The following HS3ST2 variants were observed in gnomAD, a reference collection of about 807,000 sequenced individuals.
HS3ST2 encodes heparan sulfate-glucosamine 3-sulfotransferase 2.
HS3ST2 carries 17 observed loss-of-function variants against 26.3 expected under a neutral mutation model. The ratio of observed to expected loss-of-function variants is 0.65; its 90% CI spans 0.44 to 0.97. The LOEUF is 0.97. HS3ST2 is among the 50% of genes least tolerant of loss of function. HS3ST2 has a pLI of 0.00. For synonymous variants in HS3ST2, 237 were observed against 219.2 expected (o/e 1.08, Z -0.72); for missense variants, 402 against 501.2 (o/e 0.80, Z 1.89).
At chr16:22,899,107 G>C (rs1347353847) in intron 1 of HS3ST2, among the ~76,000 whole-genome samples, 6 of 152,182 alleles carry the variant, frequency 3.9e-5, no homozygotes, top group African/African-American at 1.4e-4. Flanking sequence ...GTAAAGCTTG[G>C]TGTTAACAAA....
chr16:22,834,554 T>G (rs751165887), intron 1 of HS3ST2, among the ~76,000 whole-genome samples: 6 of 152,040 alleles, frequency 3.9e-5, no homozygotes, highest in Non-Finnish European at 8.8e-5. Context: ...TGATAGACAT[T>G]TAGATTGCTC....
chr16:22,832,784 C>T (rs1250268041), intron 1 of HS3ST2, among the ~76,000 whole-genome samples: 1 of 150,772 alleles, frequency 6.6e-6, no homozygotes, highest in Admixed American at 6.7e-5. Context: ...GAAGGGGTAT[C>T]CCAGGGTTTT....
intron 1 of HS3ST2, among the ~76,000 whole-genome samples, chr16:22,901,087 C>T (rs923241928): frequency 1.3e-5 from 2 of 152,160 alleles, no homozygotes; most frequent in Non-Finnish European, 2.9e-5. Flanking sequence ...TTATACGGGA[C>T]TCTCGCAGCT....
chr16:22,830,521 G>A (rs962031813), intron 1 of HS3ST2, among the ~76,000 whole-genome samples: 3 of 152,228 alleles, frequency 2.0e-5, no homozygotes, highest in Non-Finnish European at 1.5e-5. Context: ...GAGGGCTGGA[G>A]AATGAATACC....
chr16:22,826,248 A>G (rs753139638), intron 1 of HS3ST2, among the ~76,000 whole-genome samples: 6 of 152,132 alleles, frequency 3.9e-5, no homozygotes, highest in Non-Finnish European at 7.4e-5. Flanking sequence ...GCCCCCACCC[A>G]GGGTGGGCCA....
At chr16:22,855,704 C>G (rs7499364) in intron 1 of HS3ST2, among the ~76,000 whole-genome samples, 26 of 149,588 alleles carry the variant, frequency 1.7e-4, no homozygotes, top group Middle Eastern at 7.1e-3. Context: ...CTGTCTCTCT[C>G]TCTCTCTCTC....
At chr16:22,835,180 A>T (rs866064736) in intron 1 of HS3ST2, among the ~76,000 whole-genome samples, 1 of 149,702 alleles carries the variant, frequency 6.7e-6, no homozygotes, top group Non-Finnish European at 1.5e-5. Context: ...CATTTTGTTC[A>T]TTTTTTTTTG....
At chr16:22,860,245 C>T (rs1005508531) in intron 1 of HS3ST2, among the ~76,000 whole-genome samples, 4 of 152,060 alleles carry the variant, frequency 2.6e-5, no homozygotes, top group African/African-American at 4.8e-5. Flanking sequence ...AGCAAAGGGA[C>T]GTCTTACATG....
chr16:22,850,392 T>C (rs1053620294), intron 1 of HS3ST2, among the ~76,000 whole-genome samples: 1 of 152,216 alleles, frequency 6.6e-6, no homozygotes, highest in East Asian at 1.9e-4. Flanking sequence ...CAGTTATCTA[T>C]TGGTATATAA....
In HS3ST2 at chr16:22,847,546, T is replaced by G. The variant is rs193047691; in HGVS notation, c.485+32451T>G. 1.6e-4 allele frequency among the ~76,000 whole-genome samples: 25 copies of G among 152,076 alleles called. No individual in the cohort carries two copies. In the East Asian group the frequency reaches 4.3e-3, roughly 26 times the overall value. ...GCAAAACAATATACGTGTTGCAAGA[T>G]CGTACTGAAACCAAACAATATCCAT... On this transcript the variant is annotated intron_variant, in intron 1 of 1. Transcript: ENST00000261374.
Position 22,908,810 on chromosome 16 carries a change from G to C in HS3ST2, c.486-6134G>C, listed in dbSNP as rs115901793. On this transcript the variant is annotated intron_variant, in intron 1 of 1. Transcript: ENST00000261374. ...CCACCTCCCAATAGTACCACGTTGA[G>C]GATTAAATTTCAACATGAGTTTTGG... is the stretch of plus-strand genomic sequence containing the variant. Among the ~76,000 whole-genome samples, 438 of 152,262 alleles carry C rather than the reference G, an allele frequency of 2.9e-3. 3 individuals are homozygous for C. The highest frequency in any genetic ancestry group is 0.014 in the Middle Eastern group (4 of 294).
intron 1 of HS3ST2, among the ~76,000 whole-genome samples, chr16:22,855,493 G>GTCCA (rs1258420719): frequency 6.6e-5 from 10 of 152,074 alleles, no homozygotes; most frequent in African/African-American, 2.2e-4. Context: ...CTGCTGCCTT[G>GTCCA]GGAAATTTCC....
chr16:22,820,433 C>A (rs1463078751), intron 1 of HS3ST2, among the ~76,000 whole-genome samples: 2 of 152,200 alleles, frequency 1.3e-5, no homozygotes, highest in African/African-American at 4.8e-5. Context: ...ATACCCAACA[C>A]TGGGTAATTT....
Position 22,915,036 on chromosome 16 carries a change from A to G in HS3ST2, c.578A>G (p.Asn193Ser), listed in dbSNP as rs1162692226. 3 of 1,613,964 alleles carry G rather than the reference A, an allele frequency of 1.9e-6. No homozygotes were observed. Among genetic ancestry groups the G allele is most frequent in the Non-Finnish European group, 2.5e-6 (3 of 1,180,012 alleles). Residue 193 changes from asparagine (N) to serine (S), a missense_variant, in exon 2 of 2, where the codon AAC (asparagine) becomes AGC (serine). Around this residue, in one of 2 missense-constraint regions of HS3ST2, gnomAD observed 237 missense variants for 346.6 expected, o/e 0.68. Coordinates refer to ENST00000261374, the MANE Select transcript of HS3ST2 (RefSeq NM_006043.2). Reference sequence around the variant, plus strand: ...CAAGAGGCTCCTCGACGCATCTTCAACATGTCCCGAGACACCAAGCTGATC... The same window carrying G: ...CAAGAGGCTCCTCGACGCATCTTCAGCATGTCCCGAGACACCAAGCTGATC... ...VTQEAPRRIF[N>S]MSRDTKLIVV...
intron 1 of HS3ST2, among the ~76,000 whole-genome samples, chr16:22,858,414 T>A (rs1461390249): frequency 6.6e-6 from 1 of 151,790 alleles, no homozygotes; most frequent in Admixed American, 6.6e-5. Context: ...TTGTTTGTGA[T>A]GTGAGTTGGG....
Position 22,915,856 on chromosome 16 carries a change from G to T in HS3ST2, c.*294G>T. 2.4e-6 allele frequency: 1 copy of T among 408,992 alleles called. No individual in the cohort carries two copies. The highest frequency in any genetic ancestry group is 4.4e-6 in the Non-Finnish European group (1 of 229,370). The allele number at this position is 408,992 out of a possible 1,614,324, so 25.3% of individuals were successfully genotyped here. A position where few individuals can be genotyped will look rare whatever the true frequency, so the allele number is the denominator to read the frequency against. Reference sequence around the variant, plus strand: ...GGGCCTTGGAGAATTGCTTTAAGAAGAGTGAATGTTCCAATGATGATAGAT... The same window carrying T: ...GGGCCTTGGAGAATTGCTTTAAGAATAGTGAATGTTCCAATGATGATAGAT... On this transcript the variant is annotated 3_prime_UTR_variant, in exon 2 of 2. Transcript: ENST00000261374.
rs181520864 is a variant in HS3ST2, at chr16:22,830,949, G to T, written c.485+15854G>T. On this transcript the variant is annotated intron_variant, in intron 1 of 1. Transcript: ENST00000261374. Reference sequence around the variant, plus strand: ...GGCTCCTCAACTCTTGCCAGAAATAGAATGTAGTCATAAAATGAATGCAGT... The same window carrying T: ...GGCTCCTCAACTCTTGCCAGAAATATAATGTAGTCATAAAATGAATGCAGT... 3.7e-3 allele frequency among the ~76,000 whole-genome samples: 559 copies of T among 152,306 alleles called. 4 individuals carry two copies. The highest frequency in any genetic ancestry group is 6.9e-3 in the Non-Finnish European group (469 of 68,024).
At chr16:22,878,634 A>G (rs568215944) in intron 1 of HS3ST2, among the ~76,000 whole-genome samples, 1 of 152,314 alleles carries the variant, frequency 6.6e-6, no homozygotes, top group East Asian at 1.9e-4. Context: ...TAAATACATT[A>G]TGGAGCATTT....
At chr16:22,854,088 C>T (rs925766659) in intron 1 of HS3ST2, among the ~76,000 whole-genome samples, 1 of 152,156 alleles carries the variant, frequency 6.6e-6, no homozygotes, top group Non-Finnish European at 1.5e-5. Flanking sequence ...ATTGAACTTC[C>T]TGAGCCCTTA....
Sources: allele counts gnomAD v4.1 joint callset (sites outside exome capture counted in the v4.1 genomes callset), GRCh38; gene constraint gnomAD v4.1.1; regional missense constraint gnomAD v4.1.1; transcripts MANE v1.5; gene names NCBI Gene and HGNC (gene_info 2026-07-23, HGNC 2026-07-21).